Variants in JAKMIP1 observed in about 807,000 individuals in gnomAD.
The protein encoded by JAKMIP1 is janus kinase and microtubule-interacting protein 1.
In JAKMIP1, 33 loss-of-function variants were observed where a neutral mutation model predicts 113.0. The ratio of observed to expected loss-of-function variants is 0.29; its 90% CI spans 0.22 to 0.39. The LOEUF (loss-of-function observed/expected upper bound fraction) is 0.39. Ranked by LOEUF, JAKMIP1 falls within the 10% of genes least tolerant of loss-of-function variation. The pLI, the probability that JAKMIP1 is intolerant of heterozygous loss-of-function variation, is 1.00. For synonymous variants in JAKMIP1, 480 were observed against 459.9 expected (o/e 1.04, Z -0.56); for missense variants, 813 against 1,080.5 (o/e 0.75, Z 3.47).
intron 1 of JAKMIP1, among the ~76,000 whole-genome samples, chr4:6,124,855 G>C (rs944705753): frequency 2.0e-5 from 3 of 152,244 alleles, no homozygotes; most frequent in Non-Finnish European, 2.9e-5. Flanking sequence ...AAGCAAGATC[G>C]GGTGTCCCTG....
At position 6,197,688 on chromosome 4, in the gene JAKMIP1, C is replaced by T. The variant is rs1280454761; in HGVS notation, c.-148+2565G>A. 6.6e-6 allele frequency among the ~76,000 whole-genome samples: 1 copy of T among 152,192 alleles called. No homozygotes were observed. Among genetic ancestry groups the T allele is most frequent in the African/African-American group, 2.4e-5 (1 of 41,436 alleles). On this transcript the variant is annotated intron_variant, in intron 1 of 20. Coordinates refer to ENST00000409021, the MANE Select transcript of JAKMIP1 (RefSeq NM_001099433.2). This position sits in a 1 kb window ranked among gnomAD's most constrained non-coding sequence, Gnocchi z 6.5. ...TCCTCAGACTCCCCAAGGGAAGCCC[C>T]CATTTAGTTAGAAAGCCCAGCAGGG...
chr4:6,094,269 C>A lies in JAKMIP1; in HGVS notation c.625-8640G>T, dbSNP rs1284535407. On this transcript the variant is annotated intron_variant, in intron 3 of 20. Coordinates refer to ENST00000409021, the MANE Select transcript of JAKMIP1 (RefSeq NM_001099433.2). This position sits in a 1 kb window ranked among gnomAD's most constrained non-coding sequence, Gnocchi z 4.2. ...GCAGGTGCTCACCAAATGGAGTGCC[C>A]GGAAAATATATAGCCTCTCTTCCGT... Among the ~76,000 whole-genome samples the A allele has an allele frequency of 6.6e-6, 1 of 152,252 alleles. No homozygotes were observed. The highest frequency in any genetic ancestry group is 6.5e-5 in the Admixed American group (1 of 15,296).
rs1163839131 is a variant in JAKMIP1 at position 6,086,359 on chromosome 4, G to A, written c.625-730C>T. 6.6e-6 allele frequency among the ~76,000 whole-genome samples: 1 copy of A among 151,624 alleles called. No individual in the cohort carries two copies. Among genetic ancestry groups the A allele is most frequent in the South Asian group, 2.1e-4 (1 of 4,764 alleles). ...CATATGCAGCAGATCTTAAACACAT[G>A]CCTCAGCCCTGGCTTCTCTCTGAGC... is the stretch of plus-strand genomic sequence containing the variant. On this transcript the variant is annotated intron_variant, in intron 3 of 20. Transcript: ENST00000409021. This position sits in a 1 kb window ranked among gnomAD's most constrained non-coding sequence, Gnocchi z 4.1.
chr4:6,125,872 T>C lies in JAKMIP1; in HGVS notation c.-147-12875A>G, dbSNP rs1183244580. Among the ~76,000 whole-genome samples, 7 of 2,352 alleles carry C rather than the reference T, an allele frequency of 3.0e-3. 1 individual carries two copies. The highest frequency in any genetic ancestry group is 7.1e-3 in the Non-Finnish European group (5 of 700). 1.5% of individuals were successfully genotyped at this position (2,352 alleles called of 152,430 possible). On this transcript the variant is annotated intron_variant, in intron 1 of 20. Coordinates refer to ENST00000409021, the MANE Select transcript of JAKMIP1 (RefSeq NM_001099433.2). The stretch of plus-strand genomic sequence containing the variant: ...ACCCCCCATACAGAAACTCGCGCCA[T>C]ACACTCCATACACACCATGCAGAAA...
chr4:6,113,955 G>A lies in JAKMIP1; in HGVS notation c.-147-958C>T, dbSNP rs149878247. ...ATGAATGAGTGAGTGAGTGACAGCA[G>A]AAGAGTCATGAGGCACCCATCATGT... On this transcript the variant is annotated intron_variant, in intron 1 of 20. Transcript: ENST00000409021. Among the ~76,000 whole-genome samples, 120 of 152,346 alleles carry A rather than the reference G, an allele frequency of 7.9e-4. 1 individual carries two copies. The East Asian group carries it at 0.02, about 25-fold the overall frequency.
chr4:6,047,505 C>A (rs577424659), intron 16 of JAKMIP1, among the ~76,000 whole-genome samples: 3 of 152,208 alleles, frequency 2.0e-5, no homozygotes, highest in Admixed American at 6.5e-5. Flanking sequence ...GAGTCATCCC[C>A]GTCCCGCGGT....
At chr4:6,166,328 G>T (rs6810870) in intron 1 of JAKMIP1, among the ~76,000 whole-genome samples, 1 of 152,008 alleles carries the variant, frequency 6.6e-6, no homozygotes, top group Admixed American at 6.5e-5. Flanking sequence ...TGCCTGAAGG[G>T]CCCCTGGGCT....
At chr4:6,029,864 C>A in intron 19 of JAKMIP1, 83 bp from the exon 20 acceptor site, 1 of 976,258 alleles carries the variant, frequency 1.0e-6, no homozygotes, top group Non-Finnish European at 1.6e-6. Flanking sequence ...TGTGGTCTAG[C>A]ACAGAAGCTG....
Position 6,097,875 on chromosome 4 carries a change from G to C in JAKMIP1, c.624+7598C>G, listed in dbSNP as rs1478548837. ...AGACCAGGATGTCAGGTTTTTGTCTGGCTTTGAATATTTCAGAGGTAGTGA... is the reference window on the plus strand; with the variant it reads ...AGACCAGGATGTCAGGTTTTTGTCTCGCTTTGAATATTTCAGAGGTAGTGA... On this transcript the variant is annotated intron_variant, in intron 3 of 20. Transcript: ENST00000409021. This position sits in a 1 kb window ranked among gnomAD's most constrained non-coding sequence, Gnocchi z 4.3. 5.3e-5 allele frequency among the ~76,000 whole-genome samples: 8 copies of C among 152,290 alleles called. No homozygotes were observed. The South Asian group carries it at 1.7e-3, about 32-fold the overall frequency.
chr4:6,132,080 G>A (rs1718580857), intron 1 of JAKMIP1, among the ~76,000 whole-genome samples: 1 of 152,176 alleles, frequency 6.6e-6, no homozygotes, highest in Non-Finnish European at 1.5e-5. Flanking sequence ...TTAATTGACT[G>A]ACTAGAACAG....
chr4:6,150,192 AG>A lies in JAKMIP1; in HGVS notation c.-147-37196del. On this transcript the variant is annotated intron_variant, in intron 1 of 20. Coordinates refer to ENST00000409021, the MANE Select transcript of JAKMIP1 (RefSeq NM_001099433.2). The surrounding 1 kb of genome is among the most constrained non-coding windows in gnomAD (Gnocchi z 4.8). ...ATTCTCCTCCATCAGAGAGAGAGAG[AG>A]AGAGAAGAAAGTGCTGGCACAGGCC... 1 of 152,294 alleles carries A rather than the reference AG, an allele frequency of 6.6e-6. No homozygotes were observed. The highest frequency in any genetic ancestry group is 2.4e-5 in the African/African-American group (1 of 41,454). The allele number at this position is 152,294 out of a possible 1,614,324, so 9.4% of individuals were successfully genotyped here. A position where few individuals can be genotyped will look rare whatever the true frequency, so the allele number is the denominator to read the frequency against.
chr4:6,100,474 T>A (rs886089102), intron 3 of JAKMIP1, among the ~76,000 whole-genome samples: 3 of 152,248 alleles, frequency 2.0e-5, no homozygotes, highest in African/African-American at 7.2e-5. Context: ...GCCACATTTA[T>A]CCATTCACCA....
At chr4:6,113,074 C>T in intron 1 of JAKMIP1, 77 bp from the exon 2 acceptor site, 1 of 618,238 alleles carries the variant, frequency 1.6e-6, no homozygotes, top group South Asian at 2.2e-5. Context: ...GCACCCTGGG[C>T]CAGGCACCTG....
At position 6,093,120 on chromosome 4, in the gene JAKMIP1, C is replaced by T. The variant is rs1722310339; in HGVS notation, c.625-7491G>A. Among the ~76,000 whole-genome samples the T allele has an allele frequency of 6.6e-6, 1 of 152,252 alleles. No homozygotes were observed. Among genetic ancestry groups the T allele is most frequent in the South Asian group, 2.1e-4 (1 of 4,818 alleles). On this transcript the variant is annotated intron_variant, in intron 3 of 20. Transcript: ENST00000409021. The surrounding 1 kb of genome is among the most constrained non-coding windows in gnomAD (Gnocchi z 4.6). ...TCTCCCTCTGCATAGGATCACCTAA[C>T]AAACTCCTATGCATCCTTCAAAACC...
At chr4:6,053,670 C>CCA in intron 13 of JAKMIP1, 1 of 519,842 alleles carries the variant, frequency 1.9e-6, no homozygotes, top group Non-Finnish European at 2.6e-6. Context: ...GTGCTTCCGT[C>CCA]TGGGTGTGCA....
intron 2 of JAKMIP1, 71 bp downstream of exon 2, chr4:6,112,651 T>A: frequency 1.0e-5 from 16 of 1,526,460 alleles, no homozygotes; most frequent in Non-Finnish European, 1.4e-5. Context: ...TTCACACACA[T>A]GCCTCAGAGG....
chr4:6,200,267 G>A lies in JAKMIP1; in HGVS notation c.-162C>T, dbSNP rs1228870079. The A allele has an allele frequency of 6.6e-6, 1 of 152,232 alleles. No homozygotes were observed. Among genetic ancestry groups the A allele is most frequent in the Non-Finnish European group, 1.5e-5 (1 of 67,976 alleles). 9.4% of individuals were successfully genotyped at this position (152,232 alleles called of 1,614,324 possible). On this transcript the variant is annotated 5_prime_UTR_variant, in exon 1 of 21. Transcript: ENST00000409021. The surrounding 1 kb of genome is among the most constrained non-coding windows in gnomAD (Gnocchi z 7.0). ...CCTGTACCCACCTGCTCGGCGCTCA[G>A]GCCCGAGCCGGGCAGCAGCAGCGGA...
intron 1 of JAKMIP1, among the ~76,000 whole-genome samples, chr4:6,171,324 C>A (rs1325911190): frequency 1.3e-5 from 2 of 151,822 alleles, no homozygotes; most frequent in East Asian, 3.9e-4. Flanking sequence ...ACATCTCCAT[C>A]ACCACCACCA....
intron 1 of JAKMIP1, among the ~76,000 whole-genome samples, chr4:6,126,955 C>T (rs1717762886): frequency 6.6e-6 from 1 of 151,272 alleles, no homozygotes; most frequent in African/African-American, 2.4e-5. Flanking sequence ...TACTCCCATA[C>T]AACACACACA....
Sources: allele counts gnomAD v4.1 joint callset (sites outside exome capture counted in the v4.1 genomes callset), GRCh38; gene constraint gnomAD v4.1.1; non-coding constraint Gnocchi (gnomAD v3.1); transcripts MANE v1.5; gene names NCBI Gene and HGNC (gene_info 2026-07-23, HGNC 2026-07-21).